The following ADAMTSL1 variants were observed in gnomAD, a reference collection of about 807,000 sequenced individuals.
ADAMTSL1 encodes the protein ADAMTS like 1.
Under a neutral mutation model 201.8 loss-of-function variants are expected in ADAMTSL1, and 126 were observed. The observed-to-expected ratio is 0.62, with a 90% CI of 0.54 to 0.72. The LOEUF (loss-of-function observed/expected upper bound fraction) is 0.72. Ranked by LOEUF, ADAMTSL1 falls within the 30% of genes least tolerant of loss-of-function variation. The pLI is 0.00. For synonymous variants in ADAMTSL1, 1,121 were observed against 903.4 expected (o/e 1.24, Z -4.32); for missense variants, 2,679 against 2,277.8 (o/e 1.18, Z -3.59).
intron 1 of ADAMTSL1, among the ~76,000 whole-genome samples, chr9:18,007,204 T>C (rs553194454): frequency 6.6e-6 from 1 of 152,152 alleles, no homozygotes; most frequent in Non-Finnish European, 1.5e-5. Flanking sequence ...TCCTTTTCCA[T>C]ACAAATTGCA....
chr9:17,955,191 C>T (rs796768808), intron 1 of ADAMTSL1, among the ~76,000 whole-genome samples: 1 of 152,082 alleles, frequency 6.6e-6, no homozygotes, highest in African/African-American at 2.4e-5. Flanking sequence ...ACAGAAGGGC[C>T]TGCCTTTTGT....
chr9:18,851,971 C>T (rs1826523400), intron 23 of ADAMTSL1, among the ~76,000 whole-genome samples: 1 of 152,182 alleles, frequency 6.6e-6, no homozygotes, highest in Admixed American at 6.5e-5. Context: ...CTGGATGCAA[C>T]CAATTATCAT....
intron 2 of ADAMTSL1, among the ~76,000 whole-genome samples, chr9:18,530,865 G>T (rs1320109976): frequency 6.6e-6 from 1 of 152,070 alleles, no homozygotes; most frequent in Non-Finnish European, 1.5e-5. Flanking sequence ...TTTAAACTGG[G>T]TACTCTTAAT....
intron 1 of ADAMTSL1, among the ~76,000 whole-genome samples, chr9:17,918,611 A>G (rs1375534807): frequency 2.0e-5 from 3 of 151,750 alleles, no homozygotes; most frequent in Non-Finnish European, 4.4e-5. Flanking sequence ...ACTTTCTACA[A>G]ATTTGTGCCT....
intron 2 of ADAMTSL1, among the ~76,000 whole-genome samples, chr9:18,323,259 C>A (rs1239834408): frequency 6.6e-6 from 1 of 151,882 alleles, no homozygotes; most frequent in Non-Finnish European, 1.5e-5. Flanking sequence ...ATGTGGCATA[C>A]CACAATAAGA....
Position 18,892,420 on chromosome 9 carries a change from C to A in ADAMTSL1, c.4675C>A (p.Arg1559=), listed in dbSNP as rs375580096. ...GGTGACCTCCTGGTCTGCCTGTACC[C>A]GGAGCTGTGGGGGAGGTGTCCAGAC... ...WMVTSWSACT[R]SCGGGVQTRR... The change falls in exon 26 of 29, where the codon CGG becomes AGG. Residue 1559 remains arginine (R), a synonymous_variant. Coordinates refer to ENST00000380548, the MANE Select transcript of ADAMTSL1 (RefSeq NM_001040272.6). 90 of 1,613,364 alleles carry A rather than the reference C, an allele frequency of 5.6e-5. No homozygotes were observed. The highest frequency in any genetic ancestry group is 7.3e-5 in the Non-Finnish European group (86 of 1,179,778).
In ADAMTSL1 at chr9:18,523,666, C is replaced by T. The variant is rs1818847588; in HGVS notation, c.192-9581C>T. On this transcript the variant is annotated intron_variant, in intron 2 of 28. Transcript: ENST00000380548. ...GTTTCAGCTTTCTACATATGGCTAGCCAGTTTTCCCAGCACCATTTATTAA... is the reference window on the plus strand; with the variant it reads ...GTTTCAGCTTTCTACATATGGCTAGTCAGTTTTCCCAGCACCATTTATTAA... Among the ~76,000 whole-genome samples the T allele has an allele frequency of 6.8e-5, 10 of 147,974 alleles. No individual in the cohort carries two copies. The South Asian group carries it at 2.2e-3, about 33-fold the overall frequency.
chr9:18,875,514 C>G (rs1289481520), intron 23 of ADAMTSL1, among the ~76,000 whole-genome samples: 2 of 152,092 alleles, frequency 1.3e-5, no homozygotes, highest in Non-Finnish European at 1.5e-5. Flanking sequence ...GTCGACACAA[C>G]AGTCATTCAG....
At chr9:18,703,575 G>A (rs1288759693) in intron 13 of ADAMTSL1, among the ~76,000 whole-genome samples, 1 of 151,564 alleles carries the variant, frequency 6.6e-6, no homozygotes, top group East Asian at 1.9e-4. Context: ...TGGGAGATAA[G>A]CCAGTGAGGC....
At chr9:18,839,747 T>C (rs1563846193) in intron 23 of ADAMTSL1, among the ~76,000 whole-genome samples, 1 of 152,096 alleles carries the variant, frequency 6.6e-6, no homozygotes, top group Non-Finnish European at 1.5e-5. Context: ...TGAGGTGGTA[T>C]CTCATTGTGG....
chr9:18,834,218 G>A (rs753978853), intron 23 of ADAMTSL1, among the ~76,000 whole-genome samples: 2 of 152,078 alleles, frequency 1.3e-5, no homozygotes, highest in African/African-American at 4.8e-5. Flanking sequence ...TCCTAGTTCT[G>A]TGAAAAATGT....
chr9:18,904,782 A>G, intron 26 of ADAMTSL1, among the ~76,000 whole-genome samples: 1 of 121,760 alleles, frequency 8.2e-6, no homozygotes, highest in Non-Finnish European at 1.6e-5. Context: ...TGTGTTTGTG[A>G]ATAATAGTGT....
chr9:18,141,283 A>G (rs1826387574), intron 1 of ADAMTSL1, among the ~76,000 whole-genome samples: 1 of 152,120 alleles, frequency 6.6e-6, no homozygotes, highest in Non-Finnish European at 1.5e-5. Flanking sequence ...TGGGTTCCTC[A>G]TCATGGACAG....
chr9:17,914,198 G>A (rs1210701270), intron 1 of ADAMTSL1, among the ~76,000 whole-genome samples: 1 of 152,066 alleles, frequency 6.6e-6, no homozygotes, highest in Non-Finnish European at 1.5e-5. Flanking sequence ...TGATACCAAA[G>A]CCTGGCGGAG....
At chr9:18,234,615 T>C (rs1165424219) in intron 2 of ADAMTSL1, among the ~76,000 whole-genome samples, 1 of 152,172 alleles carries the variant, frequency 6.6e-6, no homozygotes, top group East Asian at 1.9e-4. Context: ...TAATTCTTGG[T>C]TCCCACCAAG....
intron 26 of ADAMTSL1, among the ~76,000 whole-genome samples, chr9:18,898,354 C>T (rs974419661): frequency 1.3e-5 from 2 of 152,110 alleles, no homozygotes; most frequent in African/African-American, 2.4e-5. Context: ...AAACACAACA[C>T]GAGAAATTCA....
At chr9:18,884,215 G>A (rs1348078468) in intron 23 of ADAMTSL1, among the ~76,000 whole-genome samples, 1 of 152,056 alleles carries the variant, frequency 6.6e-6, no homozygotes, top group Non-Finnish European at 1.5e-5. Flanking sequence ...TATCTCTTTT[G>A]GAGAAATGTC....
At chr9:18,474,393 C>A in intron 1 of ADAMTSL1, 98 bp downstream of exon 1, 1 of 1,162,528 alleles carries the variant, frequency 8.6e-7, no homozygotes, top group Non-Finnish European at 1.3e-6. Flanking sequence ...GTGTGTGTGT[C>A]TTTATCTTAA....
intron 1 of ADAMTSL1, among the ~76,000 whole-genome samples, chr9:18,498,857 C>T (rs1822678579): frequency 6.6e-6 from 1 of 152,206 alleles, no homozygotes; most frequent in Admixed American, 6.5e-5. Context: ...GGATTAAATA[C>T]GATCATTTGT....
Sources: gnomAD v4.1 joint callset for allele counts (sites outside exome capture counted in the v4.1 genomes callset) on GRCh38, gnomAD v4.1.1 for gene constraint, MANE v1.5 for transcripts, NCBI Gene and HGNC (gene_info 2026-07-23, HGNC 2026-07-21) for gene names.